RPS6KA2: variants seen among roughly 807,000 people sequenced by gnomAD.
The protein encoded by RPS6KA2 is ribosomal protein S6 kinase alpha-2.
A neutral mutation model predicts 91.8 loss-of-function variants in RPS6KA2; 42 were observed. The ratio of observed to expected loss-of-function variants is 0.46; its 90% CI spans 0.36 to 0.59. The LOEUF (loss-of-function observed/expected upper bound fraction) is 0.59. RPS6KA2 is among the 20% of genes least tolerant of loss of function. RPS6KA2 has a pLI of 0.00. For synonymous variants in RPS6KA2, 414 were observed against 393.6 expected, an observed-to-expected ratio of 1.05 and a Z score of -0.61; for missense variants, 798 against 978.5, an observed-to-expected ratio of 0.82 and a Z score of 2.46.
In RPS6KA2 at chr6:166,517,455, G is replaced by GTTTTTT. The variant is rs71032809; in HGVS notation, c.299-7104_299-7099dup. Among the ~76,000 whole-genome samples, 296 of 104,908 alleles carry GTTTTTT rather than the reference G, an allele frequency of 2.8e-3. 9 individuals are homozygous for GTTTTTT. The highest frequency in any genetic ancestry group is 3.7e-3 in the Non-Finnish European group (204 of 55,314). The allele number at this position is 104,908 out of a possible 152,430, so 68.8% of individuals were successfully genotyped here. A position where few individuals can be genotyped will look rare whatever the true frequency, so the allele number is the denominator to read the frequency against. On this transcript the variant is annotated intron_variant, in intron 3 of 20. Coordinates refer to ENST00000265678, the MANE Select transcript of RPS6KA2 (RefSeq NM_021135.6). The stretch of plus-strand genomic sequence containing the variant: ...ACCACTTAAGGCGTTCTTTTGTTTT[G>GTTTTTT]TTTTTTTTTTTTTTTTTTTTTTTTT...
intron 1 of RPS6KA2, among the ~76,000 whole-genome samples, chr6:166,590,859 T>C (rs543291182): frequency 1.3e-5 from 2 of 152,170 alleles, no homozygotes; most frequent in East Asian, 3.9e-4. Flanking sequence ...GAAGAGATCA[T>C]CAAAGACACG....
At chr6:166,644,884 C>T (rs1461165310) in intron 2 of RPS6KA2, among the ~76,000 whole-genome samples, 2 of 152,288 alleles carry the variant, frequency 1.3e-5, no homozygotes, top group East Asian at 1.9e-4. Context: ...GACACATACA[C>T]ACAGAGGAAT....
chr6:166,850,694 G>A (rs551253131), intron 2 of RPS6KA2, among the ~76,000 whole-genome samples: 7 of 152,284 alleles, frequency 4.6e-5, no homozygotes, highest in Admixed American at 2.0e-4. Context: ...AGCTCTGCTC[G>A]GGATGGCGGC....
At chr6:166,791,652 T>G (rs1488981707) in intron 2 of RPS6KA2, among the ~76,000 whole-genome samples, 1 of 151,910 alleles carries the variant, frequency 6.6e-6, no homozygotes, top group Non-Finnish European at 1.5e-5. Context: ...GAACAGAAAT[T>G]ACAACAAACT....
intron 2 of RPS6KA2, among the ~76,000 whole-genome samples, chr6:166,826,574 C>T (rs1209271724): frequency 6.6e-6 from 1 of 152,176 alleles, no homozygotes; most frequent in African/African-American, 2.4e-5. Context: ...ATCACTGTTA[C>T]AAAAGATTGC....
Position 166,607,176 on chromosome 6 carries a change from CT to C in RPS6KA2, c.99+19744del, listed in dbSNP as rs575484260. Among the ~76,000 whole-genome samples the C allele has an allele frequency of 1.4e-4, 20 of 147,522 alleles. No homozygotes were observed. The East Asian group carries it at 4.0e-3, about 29-fold the overall frequency. On this transcript the variant is annotated intron_variant, in intron 1 of 20. Coordinates refer to ENST00000265678, the MANE Select transcript of RPS6KA2 (RefSeq NM_021135.6). ...AAAAAAAAAGCTCCATCTATCACTG[CT>C]GGGTGGGAATGTACAATGTTGCAAT...
intron 2 of RPS6KA2, among the ~76,000 whole-genome samples, chr6:166,790,024 C>T (rs149479320): frequency 0.017 from 2,523 of 152,194 alleles, 52 homozygotes; most frequent in African/African-American, 0.056. Flanking sequence ...ATGACTTTGA[C>T]GAGTTGAGAG....
At chr6:166,796,775 C>T (rs1002926809) in intron 2 of RPS6KA2, among the ~76,000 whole-genome samples, 7 of 151,852 alleles carry the variant, frequency 4.6e-5, no homozygotes, top group South Asian at 2.1e-4. Context: ...AGTGCACGCA[C>T]GTGGCACACT....
intron 12 of RPS6KA2, among the ~76,000 whole-genome samples, chr6:166,455,191 C>T (rs947840382): frequency 2.0e-5 from 3 of 152,092 alleles, no homozygotes; most frequent in Admixed American, 6.5e-5. Flanking sequence ...TATCTCCACA[C>T]GGTGCGGCAG....
intron 2 of RPS6KA2, among the ~76,000 whole-genome samples, chr6:166,536,707 C>A (rs751206645): frequency 6.6e-6 from 1 of 152,202 alleles, no homozygotes; most frequent in Non-Finnish European, 1.5e-5. Flanking sequence ...ATTACTGGAG[C>A]TGGCCCATTC....
intron 3 of RPS6KA2, among the ~76,000 whole-genome samples, chr6:166,510,936 T>C (rs1342761677): frequency 6.6e-6 from 1 of 152,056 alleles, no homozygotes; most frequent in African/African-American, 2.4e-5. Flanking sequence ...TCCAGGTCAG[T>C]TTTCGTCTGT....
At chr6:166,643,072 A>T (rs1787495111) in intron 2 of RPS6KA2, among the ~76,000 whole-genome samples, 1 of 152,238 alleles carries the variant, frequency 6.6e-6, no homozygotes, top group Admixed American at 6.5e-5. Context: ...AGTCCTATGC[A>T]AATATGATAC....
chr6:166,783,843 T>C lies in RPS6KA2; in HGVS notation c.123+74357A>G, dbSNP rs564873619. Among the ~76,000 whole-genome samples, 12 of 54,256 alleles carry C rather than the reference T, an allele frequency of 2.2e-4. 1 individual carries two copies. The South Asian group carries it at 3.4e-3, about 15-fold the overall frequency. 35.6% of individuals were successfully genotyped at this position (54,256 alleles called of 152,430 possible). On this transcript the variant is annotated intron_variant, in intron 2 of 21. Transcript: ENST00000503859. Reference sequence around the variant, plus strand: ...CCACATATGCACACGTGCACACCTATCTATACCACATATGCACACGTGCAC... The same window carrying C: ...CCACATATGCACACGTGCACACCTACCTATACCACATATGCACACGTGCAC...
intron 1 of RPS6KA2, among the ~76,000 whole-genome samples, chr6:166,609,596 T>A (rs1035875012): frequency 2.0e-5 from 3 of 150,778 alleles, no homozygotes; most frequent in Non-Finnish European, 3.0e-5. Context: ...GCCTCCTGGG[T>A]TCAAGCAATT....
intron 17 of RPS6KA2, among the ~76,000 whole-genome samples, chr6:166,422,735 G>A (rs545100612): frequency 6.6e-6 from 1 of 152,190 alleles, no homozygotes; most frequent in Non-Finnish European, 1.5e-5. Flanking sequence ...ACTGAACAAC[G>A]TAAGCTTTCA....
Position 166,852,262 on chromosome 6 carries a change from A to G in RPS6KA2, c.123+5938T>C, listed in dbSNP as rs912796607. Among the ~76,000 whole-genome samples the G allele has an allele frequency of 1.3e-5, 2 of 152,188 alleles. No individual in the cohort carries two copies. The highest frequency in any genetic ancestry group is 1.3e-4 in the Admixed American group (2 of 15,284). On this transcript the variant is annotated intron_variant, in intron 2 of 21. Transcript: ENST00000503859. This position sits in a 1 kb window ranked among gnomAD's most constrained non-coding sequence, Gnocchi z 4.1. ...AGAGACGCCACAGAGACAGATTCAC[A>G]GGAGGTAATAAGCAGGGCCTGGAAG...
chr6:166,771,542 C>T (rs1198189709), intron 2 of RPS6KA2, among the ~76,000 whole-genome samples: 1 of 152,206 alleles, frequency 6.6e-6, no homozygotes, highest in Non-Finnish European at 1.5e-5. Context: ...GAGACAACGG[C>T]TACCCTTACT....
At chr6:166,750,193 G>C (rs910434894) in intron 2 of RPS6KA2, among the ~76,000 whole-genome samples, 1 of 152,190 alleles carries the variant, frequency 6.6e-6, no homozygotes, top group Non-Finnish European at 1.5e-5. Flanking sequence ...TTAGTTCTGT[G>C]AGCCATACAG....
chr6:166,663,084 C>T (rs930163590), intron 2 of RPS6KA2, among the ~76,000 whole-genome samples: 1 of 152,126 alleles, frequency 6.6e-6, no homozygotes, highest in African/African-American at 2.4e-5. Flanking sequence ...CAGTCTACTT[C>T]TAAAAGGATG....
Sources: gnomAD v4.1 joint callset for allele counts (sites outside exome capture counted in the v4.1 genomes callset) on GRCh38, gnomAD v4.1.1 for gene constraint, Gnocchi (gnomAD v3.1) non-coding constraint, MANE v1.5 for transcripts, NCBI Gene and HGNC (gene_info 2026-07-23, HGNC 2026-07-21) for gene names.